Variants in BBX observed in about 807,000 individuals in gnomAD.
BBX encodes BBX high mobility group box domain containing.
In BBX, 30 loss-of-function variants were observed where a neutral mutation model predicts 100.2. The observed-to-expected ratio is 0.30, with a 90% CI of 0.22 to 0.41. BBX has a LOEUF of 0.41. Ranked by LOEUF, BBX falls within the 10% of genes least tolerant of loss-of-function variation. The probability of loss-of-function intolerance (pLI) is 1.00; values close to 1 mark genes in which losing one functional copy is unlikely to be tolerated. For missense variants in BBX, 1,023 were observed against 1,129.8 expected (o/e 0.91, Z 1.35); for synonymous variants, 376 against 388.1 (o/e 0.97, Z 0.37).
At chr3:107,570,249 G>A (rs1304892299) in intron 2 of BBX, among the ~76,000 whole-genome samples, 1 of 152,218 alleles carries the variant, frequency 6.6e-6, no homozygotes, top group African/African-American at 2.4e-5. Flanking sequence ...CTACTTGGCT[G>A]CCTCTGTTCT....
At chr3:107,548,690 T>TA (rs1233333003) in intron 2 of BBX, among the ~76,000 whole-genome samples, 2 of 152,210 alleles carry the variant, frequency 1.3e-5, no homozygotes, top group Non-Finnish European at 2.9e-5. Flanking sequence ...CATGGGCTGT[T>TA]ATGTTCATTC....
intron 2 of BBX, among the ~76,000 whole-genome samples, chr3:107,610,715 C>G (rs537947237): frequency 4.3e-4 from 65 of 151,774 alleles, no homozygotes; most frequent in African/African-American, 1.5e-3. Flanking sequence ...TCCCCACCCC[C>G]CTGGCTTTAT....
chr3:107,733,719 T>C (rs567097800), intron 7 of BBX, among the ~76,000 whole-genome samples: 1 of 152,252 alleles, frequency 6.6e-6, no homozygotes, highest in African/African-American at 2.4e-5. Context: ...TCAAGCGTCT[T>C]AGCCTCCCAA....
chr3:107,648,491 T>C (rs547135707), intron 3 of BBX, among the ~76,000 whole-genome samples: 66 of 152,268 alleles, frequency 4.3e-4, no homozygotes, highest in Middle Eastern at 6.8e-3. Context: ...ATTATCTAAT[T>C]TGATATAGGA....
intron 7 of BBX, among the ~76,000 whole-genome samples, chr3:107,737,884 G>GTTTTGTTTTTTT (rs2063744620): frequency 2.0e-5 from 1 of 48,886 alleles, no homozygotes; most frequent in Non-Finnish European, 3.4e-5. Flanking sequence ...CAGAGTTCCA[G>GTTTTGTTTTTTT]TTTTTTTTTT....
intron 3 of BBX, among the ~76,000 whole-genome samples, chr3:107,653,062 A>G (rs2057935085): frequency 6.6e-6 from 1 of 152,146 alleles, no homozygotes; most frequent in Admixed American, 6.5e-5. Context: ...ATTCCACTGA[A>G]CTTGGTGTTG....
chr3:107,698,910 CAG>C (rs932708608), intron 3 of BBX, among the ~76,000 whole-genome samples: 2 of 151,636 alleles, frequency 1.3e-5, no homozygotes, highest in Admixed American at 6.6e-5. Context: ...ATGTCTGAAA[CAG>C]AGGGTCACAG....
intron 9 of BBX, among the ~76,000 whole-genome samples, chr3:107,749,436 G>A (rs1363267230): frequency 3.9e-5 from 6 of 152,086 alleles, no homozygotes; most frequent in Non-Finnish European, 7.4e-5. Context: ...GATTTGCCAT[G>A]TATTCTGTTT....
intron 2 of BBX, among the ~76,000 whole-genome samples, chr3:107,555,093 A>T (rs531485742): frequency 6.6e-6 from 1 of 152,010 alleles, no homozygotes; most frequent in Non-Finnish European, 1.5e-5. Flanking sequence ...AACAACAACA[A>T]CAACAACAAA....
chr3:107,752,185 G>T (rs1342888216), intron 9 of BBX, among the ~76,000 whole-genome samples: 1 of 152,102 alleles, frequency 6.6e-6, no homozygotes, highest in Non-Finnish European at 1.5e-5. Flanking sequence ...GAAGATATTT[G>T]CTTTGCCTAT....
At chr3:107,596,487 T>TC (rs1381535879) in intron 2 of BBX, among the ~76,000 whole-genome samples, 1 of 152,188 alleles carries the variant, frequency 6.6e-6, no homozygotes, top group East Asian at 1.9e-4. Context: ...CCAGAGAGTT[T>TC]CAGTGCCTCT....
At chr3:107,588,206 G>C (rs1382427259) in intron 2 of BBX, among the ~76,000 whole-genome samples, 4 of 152,150 alleles carry the variant, frequency 2.6e-5, no homozygotes, top group African/African-American at 9.7e-5. Context: ...TGCTTGGTCA[G>C]CTAAGGCTTT....
At chr3:107,716,087 A>C (rs1184939499) in intron 4 of BBX, among the ~76,000 whole-genome samples, 1 of 152,152 alleles carries the variant, frequency 6.6e-6, no homozygotes, top group East Asian at 1.9e-4. Flanking sequence ...TCTTACTTTC[A>C]TGTTAAATAG....
rs555755260 is a variant in BBX at position 107,772,171 on chromosome 3, T to A, written c.907-457T>A. Among the ~76,000 whole-genome samples, 11 of 152,360 alleles carry A rather than the reference T, an allele frequency of 7.2e-5. No individual in the cohort carries two copies. The South Asian group carries it at 2.3e-3, about 32-fold the overall frequency. The stretch of plus-strand genomic sequence containing the variant: ...AGGGATATTCAGCCTGTGCTACAGT[T>A]AAGTACATCGTTTCACTTAGACCAC... On this transcript the variant is annotated intron_variant, in intron 10 of 17. Coordinates refer to ENST00000325805, the MANE Select transcript of BBX (RefSeq NM_001142568.3).
chr3:107,664,694 T>C (rs2058648933), intron 3 of BBX, among the ~76,000 whole-genome samples: 1 of 152,238 alleles, frequency 6.6e-6, no homozygotes, highest in African/African-American at 2.4e-5. Context: ...AGAATAAATG[T>C]TCTCTTGCAA....
chr3:107,587,991 C>G (rs902856147), intron 2 of BBX, among the ~76,000 whole-genome samples: 6 of 152,174 alleles, frequency 3.9e-5, no homozygotes, highest in Admixed American at 2.6e-4. Context: ...AAAACTAGTA[C>G]AAGAGTCACG....
At chr3:107,743,746 T>A (rs1301878217) in intron 7 of BBX, among the ~76,000 whole-genome samples, 1 of 152,136 alleles carries the variant, frequency 6.6e-6, no homozygotes, top group Admixed American at 6.6e-5. Context: ...GAAGACTTAG[T>A]GATGCAGAAA....
intron 15 of BBX, among the ~76,000 whole-genome samples, chr3:107,796,041 C>A (rs1044130434): frequency 6.6e-6 from 1 of 152,102 alleles, no homozygotes; most frequent in Non-Finnish European, 1.5e-5. Context: ...CTGATGGTAG[C>A]CTATGTAGCA....
intron 7 of BBX, among the ~76,000 whole-genome samples, chr3:107,743,749 T>G (rs2064309119): frequency 6.6e-6 from 1 of 152,174 alleles, no homozygotes. Context: ...GACTTAGTGA[T>G]GCAGAAAAAT....
Sources: gnomAD v4.1 joint callset for allele counts (sites outside exome capture counted in the v4.1 genomes callset) on GRCh38, gnomAD v4.1.1 for gene constraint, MANE v1.5 for transcripts, NCBI Gene and HGNC (gene_info 2026-07-23, HGNC 2026-07-21) for gene names.